The following SNX25 variants were observed in gnomAD, a reference collection of about 807,000 sequenced individuals.
The protein encoded by SNX25 is sorting nexin-25.
Under a neutral mutation model 113.7 loss-of-function variants are expected in SNX25, and 62 were observed. That is an observed-to-expected ratio of 0.55 (90% CI 0.44 to 0.67). SNX25 has a LOEUF of 0.67. SNX25 is among the 30% of genes least tolerant of loss of function. SNX25 has a pLI of 0.00. For synonymous variants in SNX25, 421 were observed against 436.2 expected (o/e 0.97, Z 0.43); for missense variants, 1,014 against 1,161.0 (o/e 0.87, Z 1.84).
At chr4:185,208,405 C>G (rs546552322), upstream of SNX25, among the ~76,000 whole-genome samples, 8 of 152,226 alleles carry the variant, frequency 5.3e-5, no homozygotes, top group South Asian at 1.7e-3. Flanking sequence ...GCATGAGGCA[C>G]TCTTCATTTC....
At chr4:185,345,039 AAAAAGAG>A (rs2095278829) in intron 12 of SNX25, among the ~76,000 whole-genome samples, 1 of 152,212 alleles carries the variant, frequency 6.6e-6, no homozygotes, top group Non-Finnish European at 1.5e-5. Flanking sequence ...AAACAGGAGG[AAAAAGAG>A]TTGAGGGAAA....
downstream of SNX25, chr4:185,370,773 G>A: frequency 1.9e-6 from 3 of 1,614,134 alleles, no homozygotes; most frequent in Non-Finnish European, 2.5e-6. Flanking sequence ...TGTGACCTGG[G>A]CGATCATGGG....
chr4:185,320,889 T>C, intron 8 of SNX25, 25 bp downstream of exon 8: 2 of 1,546,606 alleles, frequency 1.3e-6, no homozygotes, highest in Admixed American at 2.1e-5. Flanking sequence ...CTGAAAGGAA[T>C]ATTAATCACT....
chr4:185,254,968 T>G (rs150693948), intron 2 of SNX25, among the ~76,000 whole-genome samples: 2 of 152,236 alleles, frequency 1.3e-5, no homozygotes, highest in East Asian at 3.9e-4. Flanking sequence ...ACCTTGAATG[T>G]TTATTTCTTA....
chr4:185,332,496 T>A, intron 9 of SNX25, 99 bp from the exon 10 acceptor site: 1 of 1,144,272 alleles, frequency 8.7e-7, no homozygotes, highest in Non-Finnish European at 1.2e-6. Context: ...ATTCTTTCCT[T>A]ACTGGAATGT....
At chr4:185,240,438 C>T (rs1743617825) in intron 1 of SNX25, among the ~76,000 whole-genome samples, 1 of 149,304 alleles carries the variant, frequency 6.7e-6, no homozygotes, top group Non-Finnish European at 1.5e-5. Context: ...GCTGGCCGGG[C>T]AGAGGGGCTC....
At chr4:185,257,044 G>T (rs1435288164) in intron 2 of SNX25, among the ~76,000 whole-genome samples, 1 of 152,088 alleles carries the variant, frequency 6.6e-6, no homozygotes, top group Non-Finnish European at 1.5e-5. Flanking sequence ...AGGGAATTGT[G>T]AAGTAGATCT....
At chr4:185,340,796 GT>G in intron 11 of SNX25, among the ~76,000 whole-genome samples, 1 of 152,302 alleles carries the variant, frequency 6.6e-6, no homozygotes, top group South Asian at 2.1e-4. Context: ...CTGGCCGTCA[GT>G]TGCTGCTTGC....
At chr4:185,272,674 C>A (rs1273474537) in intron 5 of SNX25, among the ~76,000 whole-genome samples, 1 of 152,172 alleles carries the variant, frequency 6.6e-6, no homozygotes, top group Non-Finnish European at 1.5e-5. Context: ...ATTCTTCCAC[C>A]TGCTTCCCAT....
Position 185,362,632 on chromosome 4 carries a change from G to T in SNX25, c.2855G>T (p.Gly952Val), listed in dbSNP as rs1323042085. ...NIPDMLQSLV[G>V]QQNARHGIIK... ...TCAGATATGCTTCAGAGCCTTGTTGGACAGCAAAATGCCCGCCACGGTATA... is the reference window on the plus strand; with the variant it reads ...TCAGATATGCTTCAGAGCCTTGTTGTACAGCAAAATGCCCGCCACGGTATA... Residue 952 changes from glycine (G) to valine (V), a missense_variant, in exon 18 of 19, where the codon GGA becomes GTA. Physicochemically the swap from Gly to Val is moderately radical, Grantham distance 109. Transcript: ENST00000652585. 1 of 1,613,982 alleles carries T rather than the reference G, an allele frequency of 6.2e-7. No individual in the cohort carries two copies.
At chr4:185,204,695 T>A (rs1193986661), upstream of SNX25, among the ~76,000 whole-genome samples, 1 of 152,146 alleles carries the variant, frequency 6.6e-6, no homozygotes, top group African/African-American at 2.4e-5. Flanking sequence ...GTGAACCCCA[T>A]GGAATCACAA....
Position 185,209,777 on chromosome 4 carries a change from G to A in SNX25, c.-50G>A. The A allele has an allele frequency of 1.0e-6, 1 of 984,078 alleles. No individual in the cohort carries two copies. The highest frequency in any genetic ancestry group is 1.2e-6 in the Non-Finnish European group (1 of 829,430). 61.0% of individuals were successfully genotyped at this position (984,078 alleles called of 1,614,324 possible). On this transcript the variant is annotated 5_prime_UTR_variant, in exon 1 of 19. Transcript: ENST00000652585. This position sits in a 1 kb window ranked among gnomAD's most constrained non-coding sequence, Gnocchi z 5.2. ...CCCCCTGCCTCCGGAGCGCCGGCGG[G>A]GGACCGGGGGGCAGGAGATGTGCCT... is the stretch of plus-strand genomic sequence containing the variant.
intron 1 of SNX25, among the ~76,000 whole-genome samples, chr4:185,229,657 C>T (rs957168745): frequency 1.4e-4 from 21 of 152,114 alleles, no homozygotes; most frequent in Admixed American, 4.6e-4. Context: ...TGTGCTCAGG[C>T]ACAGTTTTGC....
At chr4:185,293,206 GA>G (rs1752421432) in intron 6 of SNX25, among the ~76,000 whole-genome samples, 1 of 152,130 alleles carries the variant, frequency 6.6e-6, no homozygotes, top group African/African-American at 2.4e-5. Context: ...GTTGGAAATG[GA>G]AAATAGAAGA....
At chr4:185,348,268 T>TTC (rs1561042321) in intron 13 of SNX25, among the ~76,000 whole-genome samples, 1 of 152,242 alleles carries the variant, frequency 6.6e-6, no homozygotes, top group Non-Finnish European at 1.5e-5. Context: ...CAGTAGAAGC[T>TTC]AGACATTCTG....
rs540958238 is a variant in SNX25, at chr4:185,255,336, G to A, written c.515-3512G>A. Among the ~76,000 whole-genome samples the A allele has an allele frequency of 5.9e-5, 9 of 152,188 alleles. No individual in the cohort carries two copies. The South Asian group carries it at 8.3e-4, about 14-fold the overall frequency. On this transcript the variant is annotated intron_variant, in intron 2 of 18. Coordinates refer to ENST00000652585, the MANE Select transcript of SNX25 (RefSeq NM_001378034.2). ...TTTAGTAAAGACAGGGTTTCACCAC[G>A]TTGGCCAGGCTGGTCTGGAACTCCT...
At chr4:185,214,488 G>A (rs1480842516) in intron 1 of SNX25, among the ~76,000 whole-genome samples, 2 of 151,484 alleles carry the variant, frequency 1.3e-5, no homozygotes, top group Non-Finnish European at 2.9e-5. Context: ...CAGGAGGATC[G>A]CTTGAGCCCA....
intron 1 of SNX25, among the ~76,000 whole-genome samples, chr4:185,231,697 T>C (rs370826274): frequency 1.2e-4 from 16 of 131,776 alleles, no homozygotes; most frequent in Middle Eastern, 7.2e-3. Flanking sequence ...GGCGACAGAG[T>C]GGGACTCCAT....
At chr4:185,295,488 C>T (rs1382699728) in intron 6 of SNX25, among the ~76,000 whole-genome samples, 1 of 143,438 alleles carries the variant, frequency 7.0e-6, no homozygotes, top group African/African-American at 2.6e-5. Flanking sequence ...CTGGCTTTGT[C>T]ACCCACGCTG....
Sources: gnomAD v4.1 joint callset for allele counts (sites outside exome capture counted in the v4.1 genomes callset) on GRCh38, gnomAD v4.1.1 for gene constraint, Gnocchi (gnomAD v3.1) non-coding constraint, MANE v1.5 for transcripts, NCBI Gene and HGNC (gene_info 2026-07-23, HGNC 2026-07-21) for gene names.